Variants in SRD5A2 observed in about 807,000 individuals in gnomAD.
SRD5A2 encodes 3-oxo-5-alpha-steroid 4-dehydrogenase 2.
A neutral mutation model predicts 27.4 loss-of-function variants in SRD5A2; 30 were observed. The ratio of observed to expected loss-of-function variants is 1.10; its 90% CI spans 0.82 to 1.49. The LOEUF (loss-of-function observed/expected upper bound fraction) is 1.49, where lower values mean the gene tolerates loss of function less well. Among genes scored for constraint, SRD5A2 ranks in the 40% most tolerant of loss-of-function variants. The pLI, the probability that SRD5A2 is intolerant of heterozygous loss-of-function variation, is 0.00. For missense variants in SRD5A2, 348 were observed against 323.4 expected (o/e 1.08, Z -0.58); for synonymous variants, 141 against 133.6 (o/e 1.06, Z -0.38).
chr2:31,608,993 A>C, the SRD5A2 span, among the ~76,000 whole-genome samples: 5 of 152,192 alleles, frequency 3.3e-5, no homozygotes, highest in African/African-American at 1.2e-4. Context: ...CTGTGGCCTT[A>C]GTTTTCTAAG....
chr2:31,557,662 G>T (rs1415703054), intron 1 of SRD5A2, among the ~76,000 whole-genome samples: 1 of 152,158 alleles, frequency 6.6e-6, no homozygotes, highest in Non-Finnish European at 1.5e-5. Context: ...CACATCCCCA[G>T]AACCCATTCT....
intron 3 of SRD5A2, among the ~76,000 whole-genome samples, 156 bp from the exon 4 acceptor site, chr2:31,529,613 G>C (rs1665860916): frequency 6.6e-6 from 1 of 152,180 alleles, no homozygotes; most frequent in Non-Finnish European, 1.5e-5. Context: ...ATCCTCTTGG[G>C]GAGAAGGGGA....
At chr2:31,551,023 C>T (rs1463340545) in intron 1 of SRD5A2, among the ~76,000 whole-genome samples, 3 of 151,920 alleles carry the variant, frequency 2.0e-5, no homozygotes, top group African/African-American at 7.2e-5. Flanking sequence ...AGTGAATTTG[C>T]AGGATACAAA....
chr2:31,566,003 T>C (rs550788400), intron 1 of SRD5A2, among the ~76,000 whole-genome samples: 1 of 152,212 alleles, frequency 6.6e-6, no homozygotes, highest in African/African-American at 2.4e-5. Flanking sequence ...ATGTATGTCA[T>C]ACAAAGTATG....
chr2:31,661,413 A>G, the SRD5A2 span, among the ~76,000 whole-genome samples: 2 of 152,140 alleles, frequency 1.3e-5, no homozygotes, highest in African/African-American at 2.4e-5. Context: ...TCCTGGAGGG[A>G]AACATTACAT....
intron 1 of SRD5A2, among the ~76,000 whole-genome samples, chr2:31,577,920 C>T (rs563394577): frequency 3.9e-5 from 6 of 152,210 alleles, no homozygotes; most frequent in African/African-American, 1.2e-4. Flanking sequence ...CTTCAATGAA[C>T]CTAGCCTCAC....
At chr2:31,547,478 T>C (rs143209217) in intron 1 of SRD5A2, among the ~76,000 whole-genome samples, 85 of 152,312 alleles carry the variant, frequency 5.6e-4, no homozygotes, top group African/African-American at 2.0e-3. Context: ...ATGTGGGTGA[T>C]GGAATAAAAA....
chr2:31,551,398 G>C (rs1572642518), intron 1 of SRD5A2, among the ~76,000 whole-genome samples: 1 of 152,212 alleles, frequency 6.6e-6, no homozygotes, highest in African/African-American at 2.4e-5. Context: ...TAAAACCATT[G>C]TTTTCAATAT....
At chr2:31,598,408 A>G in the SRD5A2 span, among the ~76,000 whole-genome samples, 3 of 152,016 alleles carry the variant, frequency 2.0e-5, no homozygotes, top group Non-Finnish European at 4.4e-5. Flanking sequence ...GAACTTATCC[A>G]TGTAATGAAA....
chr2:31,552,013 C>A (rs1411293834), intron 1 of SRD5A2, among the ~76,000 whole-genome samples: 1 of 151,634 alleles, frequency 6.6e-6, no homozygotes, highest in Non-Finnish European at 1.5e-5. Context: ...AGACTTGACA[C>A]CAAAAGCACC....
chr2:31,532,721 T>TA (rs1358332252), intron 2 of SRD5A2, among the ~76,000 whole-genome samples: 1 of 149,566 alleles, frequency 6.7e-6, no homozygotes, highest in Non-Finnish European at 1.5e-5. Context: ...TGATTTGATA[T>TA]AAAACAAGGA....
At chr2:31,569,266 C>A (rs1428138922) in intron 1 of SRD5A2, among the ~76,000 whole-genome samples, 2 of 152,344 alleles carry the variant, frequency 1.3e-5, no homozygotes, top group Non-Finnish European at 2.9e-5. Context: ...AGAAAAATAA[C>A]CAGAAATGCA....
chr2:31,605,002 A>G, the SRD5A2 span, among the ~76,000 whole-genome samples: 2 of 151,736 alleles, frequency 1.3e-5, no homozygotes, highest in African/African-American at 4.8e-5. Context: ...AATCCCACAC[A>G]CCTACAGTGA....
chr2:31,606,776 CAA>C, the SRD5A2 span, among the ~76,000 whole-genome samples: 1 of 151,900 alleles, frequency 6.6e-6, no homozygotes, highest in Non-Finnish European at 1.5e-5. Flanking sequence ...TTGGCATAAA[CAA>C]TCAGCCCATA....
the SRD5A2 span, among the ~76,000 whole-genome samples, chr2:31,604,965 T>C: frequency 6.6e-6 from 1 of 151,332 alleles, no homozygotes; most frequent in Non-Finnish European, 1.5e-5. Context: ...CAGAGACCAA[T>C]GGAATGGAAT....
the SRD5A2 span, among the ~76,000 whole-genome samples, chr2:31,655,017 G>A: frequency 6.6e-6 from 1 of 152,034 alleles, no homozygotes; most frequent in Non-Finnish European, 1.5e-5. Context: ...AAATAGGAGG[G>A]GAAATATCAG....
chr2:31,580,972 G>A (rs1214587384), upstream of SRD5A2: 21 of 1,475,250 alleles, frequency 1.4e-5, no homozygotes, highest in Non-Finnish European at 1.8e-5. Context: ...CCTTTATGGA[G>A]CGCCAGACGC....
the SRD5A2 span, among the ~76,000 whole-genome samples, chr2:31,605,980 A>G: frequency 2.6e-5 from 4 of 151,980 alleles, no homozygotes; most frequent in Non-Finnish European, 5.9e-5. Context: ...AAAAAATGAG[A>G]TCTTGTCATT....
At chr2:31,618,987 T>C in the SRD5A2 span, among the ~76,000 whole-genome samples, 1 of 152,092 alleles carries the variant, frequency 6.6e-6, no homozygotes, top group Non-Finnish European at 1.5e-5. Context: ...CCTCCAAAAT[T>C]TTAAGTGTGC....
Sources: allele counts gnomAD v4.1 joint callset (sites outside exome capture counted in the v4.1 genomes callset), GRCh38; gene constraint gnomAD v4.1.1; transcripts MANE v1.5; gene names NCBI Gene and HGNC (gene_info 2026-07-23, HGNC 2026-07-21).